The following KDM6B variants were observed in gnomAD, a reference collection of about 807,000 sequenced individuals.
KDM6B encodes the protein lysine demethylase 6B.
In KDM6B, 22 loss-of-function variants were observed where a neutral mutation model predicts 150.4. The ratio of observed to expected loss-of-function variants is 0.15; its 90% CI spans 0.10 to 0.21. The LOEUF (loss-of-function observed/expected upper bound fraction) is 0.21. KDM6B is among the 10% of genes least tolerant of loss of function. The pLI, the probability that KDM6B is intolerant of heterozygous loss-of-function variation, is 1.00. For missense variants in KDM6B, 1,984 were observed against 2,234.3 expected, an observed-to-expected ratio of 0.89 and a Z score of 2.26; for synonymous variants, 1,148 against 921.1, an observed-to-expected ratio of 1.25 and a Z score of -4.46.
intron 1 of KDM6B, among the ~76,000 whole-genome samples, chr17:7,839,029 G>A (rs890709047): frequency 2.0e-5 from 3 of 152,168 alleles, no homozygotes; most frequent in Admixed American, 6.5e-5. Flanking sequence ...AGGGAATATA[G>A]AGATTAGATT....
In KDM6B at chr17:7,845,617, C is replaced by G. The variant is rs549560063; in HGVS notation, c.63C>G (p.Gly21=). ...RAAREAFALG[G]LSCAGAWSSC... ...CACGGGAAGCCTTTGCCCTTGGGGGCCTGAGCTGTGCTGGGGCCTGGAGCT... is the reference window on the plus strand; with the variant it reads ...CACGGGAAGCCTTTGCCCTTGGGGGGCTGAGCTGTGCTGGGGCCTGGAGCT... Residue 21 remains glycine (G), a synonymous_variant, in exon 5 of 24, where the codon GGC becomes GGG. Transcript: ENST00000448097. 2 of 1,614,192 alleles carry G rather than the reference C, an allele frequency of 1.2e-6. No individual in the cohort carries two copies. Among genetic ancestry groups the G allele is most frequent in the African/African-American group, 2.7e-5 (2 of 75,068 alleles).
chr17:7,852,371 C>A, intron 20 of KDM6B, 35 bp downstream of exon 20: 1 of 1,597,776 alleles, frequency 6.3e-7, no homozygotes, highest in Non-Finnish European at 8.5e-7. Flanking sequence ...CGTGGTGTGG[C>A]GCCTCAGCGG....
At chr17:7,835,783 C>G (rs1461452603) in intron 1 of KDM6B, among the ~76,000 whole-genome samples, 2 of 151,796 alleles carry the variant, frequency 1.3e-5, no homozygotes, top group Non-Finnish European at 2.9e-5. Context: ...CGAGCACCCC[C>G]TTGCGCCTGC....
chr17:7,837,703 GA>G (rs1014430092), intron 1 of KDM6B, among the ~76,000 whole-genome samples: 2 of 152,022 alleles, frequency 1.3e-5, no homozygotes, highest in Non-Finnish European at 1.5e-5. Context: ...CCGCTGGGAG[GA>G]AAAAAATGAG....
chr17:7,846,371 G>GGGGGGGGGCCGGGGGGCCCCCCC, intron 7 of KDM6B, 29 bp from the exon 8 acceptor site: 1 of 1,488,924 alleles, frequency 6.7e-7, no homozygotes, highest in Non-Finnish European at 9.2e-7. Context: ...CCTGACATCT[G>GGGGGGGGGCCGGGGGGCCCCCCC]CCCCTGCCCC....
At chr17:7,845,992 C>T in intron 6 of KDM6B, 22 bp downstream of exon 6, 1 of 1,610,670 alleles carries the variant, frequency 6.2e-7, no homozygotes, top group East Asian at 2.2e-5. Context: ...TTTGAAGGTT[C>T]TGGGAGTGGG....
chr17:7,852,757 T>C, intron 21 of KDM6B, 121 bp downstream of exon 21: 2 of 1,448,344 alleles, frequency 1.4e-6, no homozygotes, highest in East Asian at 2.3e-5. Context: ...CCCCGAGTGT[T>C]ACTGTGTTGG....
At position 7,848,987 on chromosome 17, in the gene KDM6B, C is replaced by T. The variant is rs1567797427; in HGVS notation, c.2699C>T (p.Pro900Leu). 4 of 1,577,788 alleles carry T rather than the reference C, an allele frequency of 2.5e-6. No homozygotes were observed. In the South Asian group the frequency reaches 3.4e-5, roughly 13 times the overall value. ...PGPMTPTQPP[P>L]PLSLPPARSE... ...CCCATGACCCCCACCCAACCGCCCC[C>T]ACCCCTATCTCTGCCCCCTGCTCGC... is the stretch of plus-strand genomic sequence containing the variant. Residue 900 changes from proline to leucine, a missense_variant, in exon 12 of 24, where the codon CCA (proline) becomes CTA (leucine). Physicochemically the swap from Pro to Leu is moderately conservative, Grantham distance 98. Around this residue, in one of 13 missense-constraint regions of KDM6B, gnomAD observed 1,379 missense variants for 1,275.6 expected, o/e 1.08. Coordinates refer to ENST00000448097, the MANE Select transcript of KDM6B (RefSeq NM_001348716.2).
rs776932097 is a variant in KDM6B, at chr17:7,851,943, C to T, written c.4166-8C>T. 5 of 1,612,840 alleles carry T rather than the reference C, an allele frequency of 3.1e-6. No homozygotes were observed. The African/African-American group carries it at 6.7e-5, about 22-fold the overall frequency. On this transcript the variant is annotated splice_region_variant and splice_polypyrimidine_tract_variant and intron_variant, in intron 18 of 23. Transcript: ENST00000448097. ...GCCAGCCATGCCGTTCTCTGTCGAC[C>T]CCTGCAGGCCACCAGGAGAATAACA...
At position 7,843,756 on chromosome 17, in the gene KDM6B, G is replaced by C. The variant is rs1003473017; in HGVS notation, c.-268-1145G>C. On this transcript the variant is annotated intron_variant, in intron 2 of 23. Transcript: ENST00000448097. This position sits in a 1 kb window ranked among gnomAD's most constrained non-coding sequence, Gnocchi z 4.5. ...TTGTACTCTAGACTCTCAATGGACCGATCCCGGGAGCCGAGTCGGCTCCCT... is the reference window on the plus strand; with the variant it reads ...TTGTACTCTAGACTCTCAATGGACCCATCCCGGGAGCCGAGTCGGCTCCCT... Among the ~76,000 whole-genome samples the C allele has an allele frequency of 6.6e-6, 1 of 152,066 alleles. No individual in the cohort carries two copies. Among genetic ancestry groups the C allele is most frequent in the Non-Finnish European group, 1.5e-5 (1 of 67,992 alleles).
Position 7,846,615 on chromosome 17 carries a change from C to T in KDM6B, c.586C>T (p.Pro196Ser). The T allele has an allele frequency of 6.2e-7, 1 of 1,614,108 alleles. No homozygotes were observed. The highest frequency in any genetic ancestry group is 1.1e-5 in the South Asian group (1 of 91,088). The change falls in exon 9 of 24, where the codon CCG becomes TCG. Residue 196 changes from proline to serine, a missense_variant. Around this residue, in one of 13 missense-constraint regions of KDM6B, gnomAD observed 337 missense variants for 323.9 expected, o/e 1.04. Transcript: ENST00000448097. ...RNYGAKRGGP[P>S]VKRAAEPPVV... ...CTATGGAGCCAAGCGGGGAGGTCCC[C>T]CGGTGAAGCGAGCTGCTGAACCCCC...
Position 7,851,952 on chromosome 17 carries a change from C to T in KDM6B, c.4167C>T (p.Gly1389=), listed in dbSNP as rs1210697554. ...GCCGTTCTCTGTCGACCCCTGCAGGCCACCAGGAGAATAACAACTTCTGCT... is the reference window on the plus strand; with the variant it reads ...GCCGTTCTCTGTCGACCCCTGCAGGTCACCAGGAGAATAACAACTTCTGCT... ...YMKVPGSRTP[G]HQENNNFCSV... Residue 1389 remains glycine, a splice_region_variant and synonymous_variant, in exon 19 of 24, where the codon GGC becomes GGT. Transcript: ENST00000448097. The T allele has an allele frequency of 6.2e-7, 1 of 1,613,656 alleles. No individual in the cohort carries two copies. The highest frequency in any genetic ancestry group is 8.5e-7 in the Non-Finnish European group (1 of 1,179,826).
Position 7,850,145 on chromosome 17 carries a change from T to C in KDM6B, c.3641T>C (p.Val1214Ala). 6.2e-7 allele frequency: 1 copy of C among 1,613,736 alleles called. No homozygotes were observed. The highest frequency in any genetic ancestry group is 8.5e-7 in the Non-Finnish European group (1 of 1,180,016). Residue 1214 changes from valine (V) to alanine (A), a missense_variant, in exon 14 of 24, where the codon GTG (valine) becomes GCG (alanine). Transcript: ENST00000448097. ...FCTDPRNPIT[V>A]IRGLAGSLRL... is the part of the protein sequence containing the mutation. Reference sequence around the variant, plus strand: ...ACAGACCCTCGAAATCCCATCACAGTGATCCGGGGCCTGGCGGGCTCCCTG... The same window carrying C: ...ACAGACCCTCGAAATCCCATCACAGCGATCCGGGGCCTGGCGGGCTCCCTG...
chr17:7,851,467 C>T lies in KDM6B; in HGVS notation c.3945-11C>T, dbSNP rs759427809. 4.3e-6 allele frequency: 7 copies of T among 1,614,076 alleles called. No individual in the cohort carries two copies. Among genetic ancestry groups the T allele is most frequent in the Non-Finnish European group, 5.1e-6 (6 of 1,180,050 alleles). On this transcript the variant is annotated splice_polypyrimidine_tract_variant and intron_variant, in intron 16 of 23. Transcript: ENST00000448097. ...CTGCTCTCCACCAACCTGTGCTCTT[C>T]GCCCCAGCAGCAGCGCACCAGACCC...
rs995937563 is a variant in KDM6B, at chr17:7,843,839, A to C, written c.-268-1062A>C. Among the ~76,000 whole-genome samples, 7 of 152,174 alleles carry C rather than the reference A, an allele frequency of 4.6e-5. No homozygotes were observed. In the South Asian group the frequency reaches 1.4e-3, roughly 32 times the overall value. On this transcript the variant is annotated intron_variant, in intron 2 of 23. Coordinates refer to ENST00000448097, the MANE Select transcript of KDM6B (RefSeq NM_001348716.2). This position sits in a 1 kb window ranked among gnomAD's most constrained non-coding sequence, Gnocchi z 4.5. ...GCGCGGGGACGCAGCTCCTGGGCTC[A>C]GAGAGGCGAGAAGGAAGAGCTGGGG...
intron 1 of KDM6B, among the ~76,000 whole-genome samples, chr17:7,834,953 T>TCCCGAACCCTAGCGGGG (rs1163523968): frequency 6.7e-6 from 1 of 148,964 alleles, no homozygotes; most frequent in Non-Finnish European, 1.5e-5. Flanking sequence ...ACTCCGCCGT[T>TCCCGAACCCTAGCGGGG]CCCGAACCCT....
rs774929876 is a variant in KDM6B at position 7,848,045 on chromosome 17, G to A, written c.1757G>A (p.Arg586Gln). ...GCCAGAAGTATAGACCCCCTTCCCC[G>A]GCCTCCCAGCCCAGCACAGAACCCC... ...YLARSIDPLP[R>Q]PPSPAQNPQD... Residue 586 changes from arginine to glutamine, a missense_variant, in exon 12 of 24, where the codon CGG becomes CAG. Coordinates refer to ENST00000448097, the MANE Select transcript of KDM6B (RefSeq NM_001348716.2). 6.3e-6 allele frequency: 10 copies of A among 1,582,632 alleles called. No individual in the cohort carries two copies. The highest frequency in any genetic ancestry group is 2.3e-5 in the East Asian group (1 of 44,208).
chr17:7,843,633 G>A lies in KDM6B; in HGVS notation c.-268-1268G>A, dbSNP rs1184547308. On this transcript the variant is annotated intron_variant, in intron 2 of 23. Transcript: ENST00000448097. This position sits in a 1 kb window ranked among gnomAD's most constrained non-coding sequence, Gnocchi z 4.5. ...TTCCAGCCACCCCCAGCCCCTCGTC[G>A]CGCACTCTCCCCCGGCTTCCTGCCC... Among the ~76,000 whole-genome samples, 2 of 152,020 alleles carry A rather than the reference G, an allele frequency of 1.3e-5. No homozygotes were observed. Among genetic ancestry groups the A allele is most frequent in the Non-Finnish European group, 2.9e-5 (2 of 67,978 alleles).
In KDM6B at chr17:7,852,136, G is replaced by A. The variant is rs1416435594; in HGVS notation, c.4281-13G>A. On this transcript the variant is annotated splice_polypyrimidine_tract_variant and intron_variant, in intron 19 of 23. Coordinates refer to ENST00000448097, the MANE Select transcript of KDM6B (RefSeq NM_001348716.2). ...GGTCCCCAGTTCCCACCTGACCTGT[G>A]GCCACCCCGCAGGCACGGCGTGGAC... 1.2e-6 allele frequency: 2 copies of A among 1,614,014 alleles called. No homozygotes were observed. Among genetic ancestry groups the A allele is most frequent in the Non-Finnish European group, 1.7e-6 (2 of 1,180,022 alleles).
Sources: gnomAD v4.1 joint callset for allele counts (sites outside exome capture counted in the v4.1 genomes callset) on GRCh38, gnomAD v4.1.1 for gene constraint, gnomAD v4.1.1 regional missense constraint, Gnocchi (gnomAD v3.1) non-coding constraint, MANE v1.5 for transcripts, NCBI Gene and HGNC (gene_info 2026-07-23, HGNC 2026-07-21) for gene names.